The following AGBL1 variants were observed in gnomAD, a reference collection of about 807,000 sequenced individuals.
The protein encoded by AGBL1 is cytosolic carboxypeptidase 4.
AGBL1 carries 130 observed loss-of-function variants against 118.9 expected under a neutral mutation model. That is an observed-to-expected ratio of 1.09 (90% confidence interval 0.95 to 1.26). AGBL1 has a LOEUF of 1.26. Ranked by LOEUF, AGBL1 falls within the 50% of genes most tolerant of loss-of-function variation. The probability of loss-of-function intolerance (pLI) is 0.00; values close to 1 mark genes in which losing one functional copy is unlikely to be tolerated. For synonymous variants in AGBL1, 555 were observed against 478.9 expected (o/e 1.16, Z -2.08); for missense variants, 1,584 against 1,298.1 (o/e 1.22, Z -3.38).
At chr15:86,208,997 G>A (rs1356543504) in intron 5 of AGBL1, among the ~76,000 whole-genome samples, 1 of 152,202 alleles carries the variant, frequency 6.6e-6, no homozygotes, top group Non-Finnish European at 1.5e-5. Context: ...ATGTGTCCCA[G>A]AGATTATGGT....
At chr15:86,336,718 T>G (rs2080375105) in intron 17 of AGBL1, among the ~76,000 whole-genome samples, 1 of 152,180 alleles carries the variant, frequency 6.6e-6, no homozygotes, top group South Asian at 2.1e-4. Flanking sequence ...GGGCTTTTGC[T>G]TATGGACACA....
rs898322678 is a variant in AGBL1, at chr15:86,271,136, C to T, written c.1988-483C>T. ...TGTGATCTCCGCTCACTGCAACCTC[C>T]GCCTCCCGGGTTCAAGCGATTCTCC... On this transcript the variant is annotated intron_variant, in intron 14 of 22. Transcript: ENST00000614907. 4.9e-4 allele frequency among the ~76,000 whole-genome samples: 73 copies of T among 148,874 alleles called. 1 individual carries two copies. The highest frequency in any genetic ancestry group is 2.0e-4 in the East Asian group (1 of 5,108).
At chr15:86,170,514 C>G (rs1183957221) in intron 5 of AGBL1, among the ~76,000 whole-genome samples, 1 of 151,834 alleles carries the variant, frequency 6.6e-6, no homozygotes, top group Non-Finnish European at 1.5e-5. Flanking sequence ...GCATAAGAAA[C>G]ATGAAAAAAA....
At chr15:86,736,993 C>T (rs540799983) in intron 22 of AGBL1, among the ~76,000 whole-genome samples, 1 of 152,266 alleles carries the variant, frequency 6.6e-6, no homozygotes, top group East Asian at 1.9e-4. Context: ...TAACAATCCC[C>T]CTTATGTCTT....
intron 17 of AGBL1, among the ~76,000 whole-genome samples, chr15:86,323,631 A>G (rs2080139303): frequency 6.6e-6 from 1 of 152,180 alleles, no homozygotes. Flanking sequence ...CTTTGGTGCT[A>G]AATGTGGTTT....
chr15:86,203,995 T>A (rs2077948971), intron 5 of AGBL1, among the ~76,000 whole-genome samples: 1 of 152,186 alleles, frequency 6.6e-6, no homozygotes, highest in African/African-American at 2.4e-5. Flanking sequence ...CTTGGCAAGA[T>A]ATTACACTTT....
At position 86,740,544 on chromosome 15, in the gene AGBL1, C is replaced by G. The variant is rs76013331; in HGVS notation, c.3158+66108C>G. Among the ~76,000 whole-genome samples, 581 of 152,244 alleles carry G rather than the reference C, an allele frequency of 3.8e-3. 16 individuals carry two copies. The East Asian group carries it at 0.065, about 17-fold the overall frequency. On this transcript the variant is annotated intron_variant, in intron 22 of 22. Coordinates refer to ENST00000614907, the MANE Select transcript of AGBL1 (RefSeq NM_001386094.1). ...TCCCTGATTTTAAGGAGATTGCTGT[C>G]TAATTGGGGACATAAGACTGAAATA...
chr15:86,918,429 TC>T (rs1197288132), downstream of AGBL1, among the ~76,000 whole-genome samples: 2 of 152,114 alleles, frequency 1.3e-5, no homozygotes, highest in Non-Finnish European at 2.9e-5. Flanking sequence ...CCTTCATTTT[TC>T]CCTTGAGGCA....
intron 18 of AGBL1, among the ~76,000 whole-genome samples, chr15:86,479,403 T>C (rs1040052106): frequency 9.9e-5 from 15 of 151,930 alleles, no homozygotes; most frequent in Non-Finnish European, 2.1e-4. Context: ...AACAACGCCA[T>C]CAACAAGTGG....
intron 18 of AGBL1, among the ~76,000 whole-genome samples, chr15:86,506,705 C>G (rs1369002673): frequency 6.6e-6 from 1 of 152,028 alleles, no homozygotes; most frequent in Non-Finnish European, 1.5e-5. Context: ...GAAAACAACC[C>G]CTTCCTGATA....
chr15:86,842,029 T>G (rs572198457), intron 22 of AGBL1, among the ~76,000 whole-genome samples: 2 of 151,786 alleles, frequency 1.3e-5, no homozygotes, highest in Admixed American at 1.3e-4. Flanking sequence ...CAAGGCACAT[T>G]AAGGTGGATG....
At chr15:86,520,954 C>T (rs1214852268) in intron 18 of AGBL1, among the ~76,000 whole-genome samples, 4 of 152,128 alleles carry the variant, frequency 2.6e-5, no homozygotes, top group African/African-American at 4.8e-5. Flanking sequence ...CATCCTTGGT[C>T]ACCAGGCAGA....
chr15:86,713,279 A>T (rs1056906118), intron 22 of AGBL1, among the ~76,000 whole-genome samples: 2 of 152,122 alleles, frequency 1.3e-5, no homozygotes, highest in East Asian at 1.9e-4. Context: ...TTTACTGGGG[A>T]AAAAAATGCT....
intron 18 of AGBL1, among the ~76,000 whole-genome samples, chr15:86,406,133 T>C (rs561911135): frequency 2.9e-4 from 44 of 151,938 alleles, no homozygotes; most frequent in Non-Finnish European, 5.3e-4. Context: ...GCTGAAGGAG[T>C]AGGGATTGAC....
chr15:86,877,621 C>T (rs1368770174), intron 22 of AGBL1, among the ~76,000 whole-genome samples: 1 of 152,184 alleles, frequency 6.6e-6, no homozygotes, highest in African/African-American at 2.4e-5. Context: ...CCAGTTAGAA[C>T]TTTGCCATCC....
At chr15:86,351,844 A>G (rs1001276434) in intron 17 of AGBL1, among the ~76,000 whole-genome samples, 3 of 152,210 alleles carry the variant, frequency 2.0e-5, no homozygotes, top group Non-Finnish European at 4.4e-5. Flanking sequence ...ATGACATTAG[A>G]AATATTTTCA....
chr15:86,211,373 C>T (rs562371841), intron 5 of AGBL1, among the ~76,000 whole-genome samples: 2 of 152,228 alleles, frequency 1.3e-5, no homozygotes, highest in Non-Finnish European at 2.9e-5. Flanking sequence ...CTCTTCAGAG[C>T]TGTCAGACAG....
chr15:86,582,012 T>G (rs1371769865), intron 21 of AGBL1, among the ~76,000 whole-genome samples: 5 of 152,154 alleles, frequency 3.3e-5, no homozygotes, highest in Admixed American at 6.5e-5. Flanking sequence ...CTTTTGACAT[T>G]TTGGGCTGGA....
intron 6 of AGBL1, among the ~76,000 whole-genome samples, chr15:86,237,346 G>A (rs1351583009): frequency 6.6e-6 from 1 of 152,168 alleles, no homozygotes; most frequent in African/African-American, 2.4e-5. Flanking sequence ...AGCGATGCTT[G>A]CAACGCAGGG....
Sources: gnomAD v4.1 joint callset for allele counts (sites outside exome capture counted in the v4.1 genomes callset) on GRCh38, gnomAD v4.1.1 for gene constraint, MANE v1.5 for transcripts, NCBI Gene and HGNC (gene_info 2026-07-23, HGNC 2026-07-21) for gene names.